The following ACOXL variants were observed in gnomAD, a reference collection of about 807,000 sequenced individuals.
ACOXL encodes acyl-coenzyme A oxidase-like protein.
Under a neutral mutation model 71.9 loss-of-function variants are expected in ACOXL, and 70 were observed. The ratio of observed to expected loss-of-function variants is 0.97; its 90% CI spans 0.80 to 1.19. The LOEUF (loss-of-function observed/expected upper bound fraction) is 1.19. Among genes scored for constraint, ACOXL ranks in the 50% most tolerant of loss-of-function variants. ACOXL has a pLI of 0.00. For synonymous variants in ACOXL, 253 were observed against 281.6 expected, an observed-to-expected ratio of 0.90 and a Z score of 1.02; for missense variants, 703 against 736.3, an observed-to-expected ratio of 0.95 and a Z score of 0.52.
intron 10 of ACOXL, among the ~76,000 whole-genome samples, chr2:110,899,335 G>GA (rs1189065786): frequency 2.6e-5 from 4 of 152,214 alleles, no homozygotes; most frequent in Non-Finnish European, 5.9e-5. Flanking sequence ...TCAGTGACGG[G>GA]AACCTGGAGA....
chr2:110,784,453 C>T lies in ACOXL; in HGVS notation c.76-279C>T, dbSNP rs546647570. On this transcript the variant is annotated intron_variant, in intron 2 of 17. Coordinates refer to ENST00000439055, the MANE Select transcript of ACOXL (RefSeq NM_001142807.4). ...AAGCAAAGCAAGGCACGAGGCGAGT[C>T]GGTCGCAGGGTTGCAGGCTGGCCTC... Among the ~76,000 whole-genome samples, 79 of 152,166 alleles carry T rather than the reference C, an allele frequency of 5.2e-4. 1 individual carries two copies. The South Asian group carries it at 0.012, about 23-fold the overall frequency.
At chr2:110,942,989 G>A (rs895004559) in intron 12 of ACOXL, among the ~76,000 whole-genome samples, 14 of 147,752 alleles carry the variant, frequency 9.5e-5, no homozygotes, top group Non-Finnish European at 1.5e-4. Context: ...GTGGGAGGGA[G>A]GGAGGGAGGA....
chr2:110,802,394 C>T (rs996977401), intron 8 of ACOXL, among the ~76,000 whole-genome samples: 12 of 152,154 alleles, frequency 7.9e-5, no homozygotes, highest in Admixed American at 7.2e-4. Context: ...CAGCGTTTCA[C>T]GCATCCAGTA....
chr2:111,019,448 G>A (rs751788037), intron 14 of ACOXL, among the ~76,000 whole-genome samples: 1 of 152,158 alleles, frequency 6.6e-6, no homozygotes, highest in African/African-American at 2.4e-5. Context: ...AATGAAAACC[G>A]GACTCTTCAT....
chr2:110,852,323 G>A (rs535467070), intron 10 of ACOXL, among the ~76,000 whole-genome samples: 154 of 152,252 alleles, frequency 1.0e-3, no homozygotes, highest in African/African-American at 3.5e-3. Flanking sequence ...GAGGGACACC[G>A]GGGAGCTCTC....
In ACOXL at chr2:110,913,784, G is replaced by A. The variant is rs974643773; in HGVS notation, c.905+4879G>A. 2.0e-5 allele frequency among the ~76,000 whole-genome samples: 3 copies of A among 152,170 alleles called. No individual in the cohort carries two copies. The South Asian group carries it at 6.2e-4, about 31-fold the overall frequency. ...TTTATTCATGGCAGAAGGTGAAGTA[G>A]GAGGAGGCACATCACATGGCGAAAG... is the stretch of plus-strand genomic sequence containing the variant. On this transcript the variant is annotated intron_variant, in intron 11 of 17. Coordinates refer to ENST00000439055, the MANE Select transcript of ACOXL (RefSeq NM_001142807.4).
intron 9 of ACOXL, among the ~76,000 whole-genome samples, chr2:110,823,214 T>G (rs1688817565): frequency 6.6e-6 from 1 of 151,438 alleles, no homozygotes; most frequent in African/African-American, 2.4e-5. Flanking sequence ...GATGGTGCCA[T>G]TGCACTCCAG....
chr2:111,062,408 G>T (rs2066861731), intron 16 of ACOXL, among the ~76,000 whole-genome samples: 1 of 152,080 alleles, frequency 6.6e-6, no homozygotes, highest in Admixed American at 6.5e-5. Flanking sequence ...ACAATTGAGA[G>T]AACAACTAGA....
chr2:111,017,843 T>C (rs948600409), intron 14 of ACOXL: 2 of 152,204 alleles, frequency 1.3e-5, no homozygotes, highest in Non-Finnish European at 2.9e-5. Context: ...TTGTAGTTGT[T>C]ACTGTTGTTT....
chr2:111,100,430 A>G (rs1288291205), intron 17 of ACOXL: 6 of 152,674 alleles, frequency 3.9e-5, no homozygotes, highest in Non-Finnish European at 7.3e-5. Context: ...GCAGTATTGA[A>G]AAACCAAAAA....
intron 12 of ACOXL, among the ~76,000 whole-genome samples, chr2:110,951,884 A>G (rs1354396441): frequency 1.3e-5 from 2 of 152,172 alleles, no homozygotes; most frequent in South Asian, 2.1e-4. Flanking sequence ...TTCATTTGGT[A>G]ATATTTGTTT....
At chr2:110,760,773 C>T (rs1015537648) in intron 1 of ACOXL, among the ~76,000 whole-genome samples, 8 of 152,192 alleles carry the variant, frequency 5.3e-5, no homozygotes, top group African/African-American at 1.9e-4. Context: ...ATGAGTATCA[C>T]AGGATATGAT....
intron 9 of ACOXL, among the ~76,000 whole-genome samples, chr2:110,807,729 C>T (rs1000991577): frequency 3.9e-5 from 6 of 152,194 alleles, no homozygotes; most frequent in Non-Finnish European, 7.4e-5. Context: ...AGGATGATCT[C>T]ACCGGCCCTC....
At position 111,014,830 on chromosome 2, in the gene ACOXL, A is replaced by C. The variant is rs530343997; in HGVS notation, c.1282-16797A>C. Among the ~76,000 whole-genome samples, 13 of 152,348 alleles carry C rather than the reference A, an allele frequency of 8.5e-5. No homozygotes were observed. In the South Asian group the frequency reaches 2.7e-3, roughly 32 times the overall value. On this transcript the variant is annotated intron_variant, in intron 14 of 17. Transcript: ENST00000439055. ...GAAATTGACCCACATGTATATGTTC[A>C]CTTGATTTTTTGACAAAGGTATGAA...
At chr2:110,869,015 G>T (rs997512216) in intron 10 of ACOXL, among the ~76,000 whole-genome samples, 1 of 152,172 alleles carries the variant, frequency 6.6e-6, no homozygotes, top group Admixed American at 6.5e-5. Flanking sequence ...CATTTCTTGG[G>T]TGGTTGCCAT....
chr2:110,766,530 G>A (rs1160239428), intron 1 of ACOXL, among the ~76,000 whole-genome samples: 1 of 152,176 alleles, frequency 6.6e-6, no homozygotes, highest in Non-Finnish European at 1.5e-5. Context: ...GTTGAAAGCT[G>A]ACCCACATCA....
intron 15 of ACOXL, among the ~76,000 whole-genome samples, chr2:111,043,242 C>G (rs2065868128): frequency 6.6e-6 from 1 of 152,168 alleles, no homozygotes; most frequent in African/African-American, 2.4e-5. Flanking sequence ...CAGCTCCACA[C>G]CCCCCACCAC....
intron 12 of ACOXL, among the ~76,000 whole-genome samples, chr2:110,934,104 G>A (rs2060577277): frequency 6.6e-6 from 1 of 152,226 alleles, no homozygotes; most frequent in Non-Finnish European, 1.5e-5. Flanking sequence ...GTGGTGAGAA[G>A]CACAAGGTGT....
At chr2:111,066,038 C>CA (rs1243169178) in intron 16 of ACOXL, among the ~76,000 whole-genome samples, 3 of 152,126 alleles carry the variant, frequency 2.0e-5, no homozygotes, top group Non-Finnish European at 4.4e-5. Flanking sequence ...TTTATCCCCC[C>CA]AAAAATGAAA....
Sources: allele counts gnomAD v4.1 joint callset (sites outside exome capture counted in the v4.1 genomes callset), GRCh38; gene constraint gnomAD v4.1.1; transcripts MANE v1.5; gene names NCBI Gene and HGNC (gene_info 2026-07-23, HGNC 2026-07-21).